The following CLNS1A variants were observed in gnomAD, a reference collection of about 807,000 sequenced individuals.
CLNS1A encodes the protein methylosome subunit pICln.
A neutral mutation model predicts 29.4 loss-of-function variants in CLNS1A; 16 were observed. That is an observed-to-expected ratio of 0.54 (90% confidence interval 0.37 to 0.83). The LOEUF is 0.83. Among genes scored for constraint, CLNS1A ranks in the 40% least tolerant of loss-of-function variants. CLNS1A has a pLI of 0.00. For synonymous variants in CLNS1A, 96 were observed against 104.8 expected, an observed-to-expected ratio of 0.92 and a Z score of 0.51; for missense variants, 235 against 287.4, an observed-to-expected ratio of 0.82 and a Z score of 1.32.
chr11:77,624,109 A>G (rs1686402395), intron 4 of CLNS1A, among the ~76,000 whole-genome samples: 2 of 152,190 alleles, frequency 1.3e-5, no homozygotes, highest in Non-Finnish European at 2.9e-5. Context: ...TAAAAAATAC[A>G]CAAAAATTAG....
chr11:77,629,128 T>C (rs1311491517), intron 2 of CLNS1A, among the ~76,000 whole-genome samples: 1 of 152,100 alleles, frequency 6.6e-6, no homozygotes, highest in Non-Finnish European at 1.5e-5. Flanking sequence ...GCACAGGGTA[T>C]ACTGATCCAA....
chr11:77,618,143 A>G (rs990770342), intron 6 of CLNS1A, among the ~76,000 whole-genome samples: 8 of 152,332 alleles, frequency 5.3e-5, no homozygotes, highest in Non-Finnish European at 1.0e-4. Context: ...TCTGATTAAT[A>G]ATAGAGTGGC....
chr11:77,618,484 A>G (rs940201953), intron 6 of CLNS1A: 1 of 152,252 alleles, frequency 6.6e-6, no homozygotes, highest in Non-Finnish European at 1.5e-5. Flanking sequence ...ACAAAAGTAA[A>G]TGTGGAAATT....
chr11:77,636,532 C>T (rs914536334), intron 1 of CLNS1A, among the ~76,000 whole-genome samples: 2 of 152,190 alleles, frequency 1.3e-5, no homozygotes, highest in Admixed American at 6.5e-5. Flanking sequence ...AGCAGAGGTT[C>T]TTTACAGTTT....
rs1022965867 is a variant in CLNS1A, at chr11:77,614,585, G to C, written c.*2133C>G. The C allele has an allele frequency of 6.6e-6, 1 of 152,242 alleles. No individual in the cohort carries two copies. The highest frequency in any genetic ancestry group is 2.4e-5 in the African/African-American group (1 of 41,430). The allele number at this position is 152,242 out of a possible 1,614,324, so 9.4% of individuals were successfully genotyped here. On this transcript the variant is annotated 3_prime_UTR_variant, in exon 7 of 7. Transcript: ENST00000525428. ...TGGTCTCAAACTCCTGACCTCAAGT[G>C]ATCTGCCCACCTGAGCCTCCCAAAG...
chr11:77,632,405 A>C (rs1565129779), intron 1 of CLNS1A, among the ~76,000 whole-genome samples: 1 of 152,184 alleles, frequency 6.6e-6, no homozygotes, highest in African/African-American at 2.4e-5. Flanking sequence ...CTGAAACCTA[A>C]ACATAGAATG....
rs893813816 is a variant in CLNS1A at position 77,618,544 on chromosome 11, A to T, written c.*22+1062T>A. On this transcript the variant is annotated intron_variant, in intron 6 of 6. Transcript: ENST00000525428. ...ATAAATCATAGAACTCTAAGAGGTT[A>T]TTTTCTGATAGTTCCACTGGCAGGA... 12 of 152,352 alleles carry T rather than the reference A, an allele frequency of 7.9e-5. No individual in the cohort carries two copies. The South Asian group carries it at 2.5e-3, about 32-fold the overall frequency. 9.4% of individuals were successfully genotyped at this position (152,352 alleles called of 1,614,324 possible).
chr11:77,623,496 G>A (rs547125060), intron 4 of CLNS1A, among the ~76,000 whole-genome samples: 21 of 152,056 alleles, frequency 1.4e-4, no homozygotes, highest in African/African-American at 4.8e-4. Flanking sequence ...CGGGAGACTG[G>A]GGTGGGACAG....
Position 77,631,344 on chromosome 11 carries a change from C to CA in CLNS1A, c.126-1446dup, listed in dbSNP as rs1409890094. 3.9e-3 allele frequency among the ~76,000 whole-genome samples: 572 copies of CA among 146,610 alleles called. 10 individuals carry two copies. The highest frequency in any genetic ancestry group is 0.027 in the Admixed American group (391 of 14,610). ...GTATACTTTTTTTTTTTTTTTTAGA[C>CA]AGAGTCTCGGTCTGTCGCCCAGGCT... On this transcript the variant is annotated intron_variant, in intron 1 of 6. Transcript: ENST00000525428.
intron 3 of CLNS1A, 25 bp from the exon 4 acceptor site, chr11:77,625,095 C>A: frequency 6.6e-7 from 1 of 1,512,932 alleles, no homozygotes; most frequent in Non-Finnish European, 9.1e-7. Context: ...TAAACTGTAA[C>A]CAATCTTTTT....
At position 77,637,778 on chromosome 11, in the gene CLNS1A, C is replaced by G; in HGVS notation, c.-64G>C. ...GAGCACAGCAATGCGTGCACCACAC[C>G]GCCCGCCCTGGAAGAGGCAGTCACC... On this transcript the variant is annotated 5_prime_UTR_variant, in exon 1 of 7. Transcript: ENST00000525428. 3 of 1,484,222 alleles carry G rather than the reference C, an allele frequency of 2.0e-6. No individual in the cohort carries two copies. Among genetic ancestry groups the G allele is most frequent in the Non-Finnish European group, 2.7e-6 (3 of 1,110,044 alleles). The allele number at this position is 1,484,222 out of a possible 1,614,324, so 91.9% of individuals were successfully genotyped here. A position where few individuals can be genotyped will look rare whatever the true frequency, so the allele number is the denominator to read the frequency against.
chr11:77,617,292 C>CG (rs559756829), intron 6 of CLNS1A, among the ~76,000 whole-genome samples: 104 of 139,172 alleles, frequency 7.5e-4, no homozygotes, highest in African/African-American at 2.2e-3. Flanking sequence ...CACTTGAACC[C>CG]GGGGGGGCGG....
At chr11:77,628,229 T>A (rs1565127926) in intron 2 of CLNS1A, among the ~76,000 whole-genome samples, 1 of 152,216 alleles carries the variant, frequency 6.6e-6, no homozygotes, top group African/African-American at 2.4e-5. Context: ...CCACCTCCAA[T>A]GGCCGTCACT....
In CLNS1A at chr11:77,637,615, T is replaced by G. The variant is rs746997793; in HGVS notation, c.100A>C (p.Thr34Pro). ...EAVLNGKGLG[T>P]GTLYIAESRL... ...CTCTCAGCGATGTAAAGGGTACCAG[T>G]GCCGAGGCCCTTCCCGTTCAGCACA... The change falls in exon 1 of 7, where the codon ACT becomes CCT. Residue 34 changes from threonine (T) to proline (P), a missense_variant. Transcript: ENST00000525428. 6.3e-7 allele frequency: 1 copy of G among 1,599,396 alleles called. No homozygotes were observed. Among genetic ancestry groups the G allele is most frequent in the South Asian group, 1.1e-5 (1 of 88,280 alleles).
intron 2 of CLNS1A, among the ~76,000 whole-genome samples, chr11:77,627,601 T>C (rs1162157240): frequency 6.6e-6 from 1 of 152,186 alleles, no homozygotes; most frequent in Admixed American, 6.5e-5. Context: ...TGTATGATTA[T>C]AGAGCACATA....
chr11:77,630,027 C>T (rs967352779), intron 1 of CLNS1A, 128 bp from the exon 2 acceptor site: 7 of 773,158 alleles, frequency 9.1e-6, no homozygotes, highest in African/African-American at 3.5e-5. Flanking sequence ...TTTTTAGAAA[C>T]GTTCATAAAA....
intron 2 of CLNS1A, among the ~76,000 whole-genome samples, chr11:77,626,762 G>A (rs979224521): frequency 1.3e-5 from 2 of 150,508 alleles, no homozygotes; most frequent in Non-Finnish European, 3.0e-5. Flanking sequence ...TGCCATCTCG[G>A]CTCACTGCAA....
intron 4 of CLNS1A, among the ~76,000 whole-genome samples, chr11:77,622,949 G>GAAAAAAA (rs35752186): frequency 9.5e-6 from 1 of 105,818 alleles, no homozygotes. Context: ...CCTTGTCTTG[G>GAAAAAAA]AAAAAAAAAA....
At chr11:77,625,103 T>A (rs751869860) in intron 3 of CLNS1A, 33 bp from the exon 4 acceptor site, 12 of 1,477,568 alleles carry the variant, frequency 8.1e-6, no homozygotes, top group Non-Finnish European at 1.0e-5. Flanking sequence ...AACCAATCTT[T>A]TTTTGTAATA....
Sources: allele counts gnomAD v4.1 joint callset (sites outside exome capture counted in the v4.1 genomes callset), GRCh38; gene constraint gnomAD v4.1.1; transcripts MANE v1.5; gene names NCBI Gene and HGNC (gene_info 2026-07-23, HGNC 2026-07-21).